The following XKRX variants were observed in gnomAD, a reference collection of about 807,000 sequenced individuals.
The protein encoded by XKRX is XK-related protein 2.
XKRX carries 11 observed loss-of-function variants against 22.4 expected under a neutral mutation model. The ratio of observed to expected loss-of-function variants is 0.49; its 90% CI spans 0.31 to 0.81. The LOEUF (loss-of-function observed/expected upper bound fraction) is 0.81, where lower values mean the gene tolerates loss of function less well. Ranked by LOEUF, XKRX falls within the 40% of genes least tolerant of loss-of-function variation. The probability of loss-of-function intolerance (pLI) is 0.05; values close to 1 mark genes in which losing one functional copy is unlikely to be tolerated. For synonymous variants in XKRX, 114 were observed against 132.2 expected (o/e 0.86, Z 0.94); for missense variants, 320 against 336.5 (o/e 0.95, Z 0.38).
upstream of XKRX, chrX:100,928,934 C>T (rs764126692): frequency 6.3e-4 from 389 of 620,272 alleles, no homozygotes; most frequent in Non-Finnish European, 7.1e-4. Context: ...CCAGGGTTCT[C>T]AGGATAGCTC....
chrX:100,932,313 C>T (rs775738269), upstream of XKRX, among the ~76,000 whole-genome samples: 3 of 111,424 alleles, frequency 2.7e-5, no homozygotes, highest in African/African-American at 9.8e-5. Context: ...GAAATGTTGG[C>T]AGTCATAAGG....
At chrX:100,911,400 C>T (rs1441328404), downstream of XKRX, 30 of 787,393 alleles carry the variant, frequency 3.8e-5, no homozygotes, top group East Asian at 4.7e-4. Flanking sequence ...GGACTTGTGA[C>T]GCAAAGAGGC....
the XKRX span, among the ~76,000 whole-genome samples, chrX:100,939,251 T>G: frequency 1.8e-5 from 2 of 111,806 alleles, no homozygotes; most frequent in South Asian, 7.5e-4. Flanking sequence ...AGGGAATATA[T>G]GTATTAATCT....
chrX:100,894,594 G>A, the XKRX span, among the ~76,000 whole-genome samples: 1 of 111,130 alleles, frequency 9.0e-6, no homozygotes, highest in East Asian at 2.8e-4. Flanking sequence ...CAGGTGCACA[G>A]CAACATGACC....
chrX:100,959,223 TAG>T, the XKRX span, among the ~76,000 whole-genome samples: 1 of 112,104 alleles, frequency 8.9e-6, no homozygotes, highest in East Asian at 2.8e-4. Flanking sequence ...AACTAGCTTT[TAG>T]TTTAAAGATG....
At chrX:100,894,846 C>G in the XKRX span, among the ~76,000 whole-genome samples, 1 of 111,759 alleles carries the variant, frequency 8.9e-6, no homozygotes, top group Non-Finnish European at 1.9e-5. Flanking sequence ...CAAAGGGGAC[C>G]ATGGCAAAAA....
At position 100,915,064 on chromosome X, in the gene XKRX, G is replaced by C. The variant is rs2085427248; in HGVS notation, c.624C>G (p.Ser208=). 8.3e-7 allele frequency: 1 copy of C among 1,204,942 alleles called. No individual in the cohort carries two copies. The highest frequency in any genetic ancestry group is 1.8e-5 in the African/African-American group (1 of 55,951). Residue 208 remains serine (S), a synonymous_variant, in exon 3 of 3, where the codon TCC becomes TCG. Transcript: ENST00000372956. ...TGGCCCCATAGGTGACAGATACCAG[G>C]GAAAATACCATTAGCACAACTGTTA... ...PLGRVVLMVF[S]LVSVTYGATL...
the XKRX span, among the ~76,000 whole-genome samples, chrX:100,949,672 A>G: frequency 9.0e-6 from 1 of 111,576 alleles, no homozygotes; most frequent in Admixed American, 9.6e-5. Flanking sequence ...CCAGCCAGAA[A>G]TAAGATGTTT....
At chrX:100,920,785 A>C (rs1023202147) in intron 2 of XKRX, among the ~76,000 whole-genome samples, 8 of 111,617 alleles carry the variant, frequency 7.2e-5, no homozygotes, top group Non-Finnish European at 1.3e-4. Context: ...ATGAGACGGG[A>C]GTCTCCCTCT....
At chrX:100,924,716 A>G (rs2085491117) in intron 1 of XKRX, among the ~76,000 whole-genome samples, 1 of 112,373 alleles carries the variant, frequency 8.9e-6, no homozygotes, top group Non-Finnish European at 1.9e-5. Context: ...ATCACTTAGT[A>G]GGTATTTGAG....
intron 1 of XKRX, among the ~76,000 whole-genome samples, chrX:100,926,829 G>A (rs750175288): frequency 6.2e-5 from 7 of 112,159 alleles, no homozygotes; most frequent in African/African-American, 2.3e-4. Context: ...GAGATGAACT[G>A]CCTTCCTTTG....
intron 1 of XKRX, among the ~76,000 whole-genome samples, chrX:100,927,161 A>C (rs2085501100): frequency 9.1e-6 from 1 of 110,461 alleles, no homozygotes; most frequent in Non-Finnish European, 1.9e-5. Context: ...CTACATAACG[A>C]GATCCCGTCT....
the XKRX span, among the ~76,000 whole-genome samples, chrX:100,890,045 T>C: frequency 9.0e-6 from 1 of 111,549 alleles, no homozygotes; most frequent in Non-Finnish European, 1.9e-5. Context: ...AACACATTTC[T>C]GGTATTTAAA....
chrX:100,892,152 C>A, the XKRX span, among the ~76,000 whole-genome samples: 1 of 111,445 alleles, frequency 9.0e-6, no homozygotes, highest in African/African-American at 3.3e-5. Flanking sequence ...GGGTTAATAT[C>A]CAAAATATGT....
the XKRX span, among the ~76,000 whole-genome samples, chrX:100,935,300 C>T: frequency 9.1e-6 from 1 of 110,033 alleles, no homozygotes; most frequent in African/African-American, 3.3e-5. Flanking sequence ...CCCTTGCAGT[C>T]AGAACACAGG....
the XKRX span, among the ~76,000 whole-genome samples, chrX:100,898,786 A>C: frequency 5.5e-5 from 6 of 109,806 alleles, no homozygotes; most frequent in Non-Finnish European, 1.1e-4. Context: ...AAAAAGAGCC[A>C]ATCTACAAGG....
chrX:100,946,224 AGAGT>A, the XKRX span, among the ~76,000 whole-genome samples: 1 of 111,107 alleles, frequency 9.0e-6, no homozygotes, highest in Non-Finnish European at 1.9e-5. Flanking sequence ...GTGCATGGAA[AGAGT>A]AAGTAAGTAA....
intron 2 of XKRX, among the ~76,000 whole-genome samples, chrX:100,921,903 G>A (rs947872931): frequency 1.1e-4 from 10 of 94,447 alleles, no homozygotes; most frequent in South Asian, 5.6e-4. Flanking sequence ...ACGCGATCTC[G>A]GCTCACTGCA....
At chrX:100,915,867 T>C (rs751037876) in intron 2 of XKRX, among the ~76,000 whole-genome samples, 1 of 110,790 alleles carries the variant, frequency 9.0e-6, no homozygotes, top group Admixed American at 9.7e-5. Context: ...ATGTGGAATC[T>C]AAAAAAGTTG....
Sources: gnomAD v4.1 joint callset for allele counts (sites outside exome capture counted in the v4.1 genomes callset) on GRCh38, gnomAD v4.1.1 for gene constraint, MANE v1.5 for transcripts, NCBI Gene and HGNC (gene_info 2026-07-23, HGNC 2026-07-21) for gene names.